NALCN: variants seen among roughly 807,000 people sequenced by gnomAD.
The protein encoded by NALCN is sodium leak channel, non-selective.
Under a neutral mutation model 225.3 loss-of-function variants are expected in NALCN, and 111 were observed. The observed-to-expected ratio is 0.49, with a 90% confidence interval of 0.42 to 0.58. The LOEUF is 0.58. Among genes scored for constraint, NALCN ranks in the 20% least tolerant of loss-of-function variants. NALCN has a pLI of 0.00. For missense variants in NALCN, 1,378 were observed against 2,202.4 expected (o/e 0.63, Z 7.49); for synonymous variants, 764 against 769.0 (o/e 0.99, Z 0.11).
intron 15 of NALCN, among the ~76,000 whole-genome samples, chr13:101,175,444 T>C (rs541691277): frequency 1.2e-3 from 187 of 152,324 alleles, no homozygotes; most frequent in Non-Finnish European, 2.4e-3. Flanking sequence ...GAGGGCCTGC[T>C]TATAATTCCA....
intron 40 of NALCN, among the ~76,000 whole-genome samples, chr13:101,063,036 G>T (rs1025491228): frequency 6.6e-6 from 1 of 152,216 alleles, no homozygotes; most frequent in African/African-American, 2.4e-5. Flanking sequence ...GGGCAATAAG[G>T]CAGCTCCCAG....
intron 11 of NALCN, among the ~76,000 whole-genome samples, chr13:101,257,265 G>T (rs1344557126): frequency 6.9e-6 from 1 of 144,994 alleles, no homozygotes; most frequent in East Asian, 2.0e-4. Flanking sequence ...TGGCCATTGG[G>T]CAAATGTTGC....
At chr13:101,238,916 A>G (rs911059428) in intron 11 of NALCN, among the ~76,000 whole-genome samples, 1 of 151,992 alleles carries the variant, frequency 6.6e-6, no homozygotes, top group Non-Finnish European at 1.5e-5. Flanking sequence ...GGCACTGCAG[A>G]TAGTTAATTT....
chr13:101,143,171 C>A lies in NALCN; in HGVS notation c.2027G>T (p.Cys676Phe). 3.7e-6 allele frequency: 6 copies of A among 1,613,988 alleles called. No individual in the cohort carries two copies. The highest frequency in any genetic ancestry group is 1.7e-4 in the Middle Eastern group (1 of 6,058). ...GGTGGTCGGGAGGCTTCTCAGGAGG[C>A]AACATGTGTCCTGTTGCTGGCGGTC... is the stretch of plus-strand genomic sequence containing the variant. ...FIDRQQQDTC[C>F]LLRSLPTTSS... Residue 676 changes from cysteine (C) to phenylalanine (F), a missense_variant, in exon 17 of 44, where the codon TGC becomes TTC. By Grantham distance (205) the Cys-to-Phe change is radical. Around this residue, in one of 19 missense-constraint regions of NALCN, gnomAD observed 100 missense variants for 89.4 expected, o/e 1.12. Transcript: ENST00000251127.
At chr13:101,407,008 T>C (rs9518383) in intron 1 of NALCN, among the ~76,000 whole-genome samples, 20,063 of 152,194 alleles carry the variant, frequency 0.13, 2,050 homozygotes, top group East Asian at 0.58. Context: ...CTATGATACA[T>C]GGCTAAAAGA....
chr13:101,104,994 T>C lies in NALCN; in HGVS notation c.2580-44A>G. The C allele has an allele frequency of 6.5e-7, 1 of 1,538,208 alleles. No homozygotes were observed. The highest frequency in any genetic ancestry group is 9.0e-7 in the Non-Finnish European group (1 of 1,114,090). On this transcript the variant is annotated intron_variant, in intron 22 of 43. Coordinates refer to ENST00000251127, the MANE Select transcript of NALCN (RefSeq NM_052867.4). This position sits in a 1 kb window ranked among gnomAD's most constrained non-coding sequence, Gnocchi z 4.2. ...ATAAAATTCTGCAACAAAGCAAGCA[T>C]GTTTTAACTTGCTAAAAATCATATT...
At chr13:101,395,951 T>A (rs2047279480) in intron 2 of NALCN, among the ~76,000 whole-genome samples, 1 of 152,204 alleles carries the variant, frequency 6.6e-6, no homozygotes, top group Admixed American at 6.5e-5. Flanking sequence ...GTATCTGATA[T>A]ATAATGCCTT....
At position 101,074,529 on chromosome 13, in the gene NALCN, C is replaced by T. The variant is rs1449196658; in HGVS notation, c.4088G>A (p.Gly1363Glu). 6.2e-7 allele frequency: 1 copy of T among 1,609,848 alleles called. No individual in the cohort carries two copies. Among genetic ancestry groups the T allele is most frequent in the Admixed American group, 1.7e-5 (1 of 58,734 alleles). Residue 1363 changes from glycine (G) to glutamate (E), a missense_variant, in exon 36 of 44, where the codon GGG (glycine) becomes GAG (glutamate). By Grantham distance (98) the Gly-to-Glu change is moderately conservative. Around this residue, in one of 19 missense-constraint regions of NALCN, gnomAD observed 76 missense variants for 118.7 expected, o/e 0.64. Transcript: ENST00000251127. ...ATATACCAACCTGTTAATATTCTCCCCATATTTCACAGTACCAAATAAAAC... is the reference window on the plus strand; with the variant it reads ...ATATACCAACCTGTTAATATTCTCCTCATATTTCACAGTACCAAATAAAAC... Reference protein sequence around the residue: ...GVVLFGTVKYGENINRHANFS... With the variant: ...GVVLFGTVKYEENINRHANFS...
At chr13:101,230,548 G>A (rs1392704096) in intron 12 of NALCN, among the ~76,000 whole-genome samples, 1 of 152,190 alleles carries the variant, frequency 6.6e-6, no homozygotes, top group East Asian at 1.9e-4. Context: ...ACAAGTTTTG[G>A]TGCATTAAGT....
At chr13:101,179,058 C>A (rs2039082606) in intron 14 of NALCN, among the ~76,000 whole-genome samples, 1 of 152,170 alleles carries the variant, frequency 6.6e-6, no homozygotes, top group Non-Finnish European at 1.5e-5. Flanking sequence ...ATTTGACAAA[C>A]AGTTGACTGG....
chr13:101,256,785 A>T (rs1209700235), intron 11 of NALCN, among the ~76,000 whole-genome samples: 9 of 125,598 alleles, frequency 7.2e-5, no homozygotes, highest in Non-Finnish European at 1.3e-4. Flanking sequence ...TTTTTTTGAG[A>T]TGGAGTCTCA....
At chr13:101,074,698 GAGAGAGAGAGAGAGACAGAGAC>G in intron 35 of NALCN, 36 bp from the exon 36 acceptor site, 1 of 1,516,670 alleles carries the variant, frequency 6.6e-7, no homozygotes, top group Non-Finnish European at 8.8e-7. Context: ...GAGACAGAGA[GAGAGAGAGAGAGAGACAGAGAC>G]AGAGAGAGAG....
At chr13:101,091,319 G>C (rs2034221438) in intron 28 of NALCN, among the ~76,000 whole-genome samples, 1 of 152,024 alleles carries the variant, frequency 6.6e-6, no homozygotes, top group Non-Finnish European at 1.5e-5. Flanking sequence ...TTAACCCTCA[G>C]GACAGGCAAC....
At chr13:101,390,528 A>G (rs2047114978) in intron 3 of NALCN, among the ~76,000 whole-genome samples, 1 of 152,160 alleles carries the variant, frequency 6.6e-6, no homozygotes, top group Non-Finnish European at 1.5e-5. Context: ...AATAAAATAA[A>G]TATCACATGA....
intron 17 of NALCN, among the ~76,000 whole-genome samples, chr13:101,139,554 TC>T: frequency 6.6e-6 from 1 of 152,116 alleles, no homozygotes; most frequent in Non-Finnish European, 1.5e-5. Context: ...TTCATACCAG[TC>T]ACTGAGGAAA....
chr13:101,097,187 G>A (rs1020828411), intron 27 of NALCN, among the ~76,000 whole-genome samples: 2 of 152,082 alleles, frequency 1.3e-5, no homozygotes, highest in Admixed American at 1.3e-4. Flanking sequence ...AATTTATAAA[G>A]CCTGGACAAA....
At chr13:101,339,102 C>T (rs955868206) in intron 7 of NALCN, among the ~76,000 whole-genome samples, 5 of 152,252 alleles carry the variant, frequency 3.3e-5, no homozygotes, top group East Asian at 1.9e-4. Context: ...GTGGGAACAG[C>T]GGAAGTAGGA....
intron 10 of NALCN, among the ~76,000 whole-genome samples, chr13:101,259,242 G>T (rs1053496421): frequency 6.6e-6 from 1 of 152,030 alleles, no homozygotes; most frequent in Non-Finnish European, 1.5e-5. Context: ...ATTGAAGATG[G>T]ACTCAATACT....
intron 15 of NALCN, among the ~76,000 whole-genome samples, chr13:101,154,028 A>C (rs2037783331): frequency 6.6e-6 from 1 of 152,168 alleles, no homozygotes. Flanking sequence ...AATCCTTCCA[A>C]AACCATCTTC....
Sources: gnomAD v4.1 joint callset for allele counts (sites outside exome capture counted in the v4.1 genomes callset) on GRCh38, gnomAD v4.1.1 for gene constraint, gnomAD v4.1.1 regional missense constraint, Gnocchi (gnomAD v3.1) non-coding constraint, MANE v1.5 for transcripts, NCBI Gene and HGNC (gene_info 2026-07-23, HGNC 2026-07-21) for gene names.